NIN: variants seen among roughly 807,000 people sequenced by gnomAD.
NIN encodes glycogen synthase kinase 3 beta-interacting protein.
Under a neutral mutation model 257.6 loss-of-function variants are expected in NIN, and 137 were observed. The observed-to-expected ratio is 0.53, with a 90% CI of 0.46 to 0.61. NIN has a LOEUF of 0.61. Ranked by LOEUF, NIN falls within the 20% of genes least tolerant of loss-of-function variation. The pLI, the probability that NIN is intolerant of heterozygous loss-of-function variation, is 0.00. For synonymous variants in NIN, 918 were observed against 919.8 expected (o/e 1.00, Z 0.04); for missense variants, 2,439 against 2,501.2 (o/e 0.98, Z 0.53).
intron 18 of NIN, 103 bp downstream of exon 18, chr14:50,756,389 T>G: frequency 8.0e-7 from 1 of 1,247,254 alleles, no homozygotes; most frequent in Admixed American, 2.3e-5. Flanking sequence ...GCTCTCTTCG[T>G]GAAGACTACT....
chr14:50,746,745 G>A (rs1361015739), intron 22 of NIN, among the ~76,000 whole-genome samples: 1 of 152,152 alleles, frequency 6.6e-6, no homozygotes, highest in Non-Finnish European at 1.5e-5. Flanking sequence ...CTGAAAACAG[G>A]ACAATGTTTA....
At chr14:50,744,445 T>C in intron 22 of NIN, 80 bp from the exon 23 acceptor site, 2 of 1,443,690 alleles carry the variant, frequency 1.4e-6, no homozygotes, top group Non-Finnish European at 9.5e-7. Flanking sequence ...ATAGGGCATT[T>C]TCACAGCTGC....
At chr14:50,804,870 G>A (rs1316590496) in intron 4 of NIN, among the ~76,000 whole-genome samples, 46 of 152,220 alleles carry the variant, frequency 3.0e-4, no homozygotes, top group Admixed American at 2.6e-3. Context: ...GTGTTGGGCC[G>A]CATTCAAAAC....
chr14:50,747,836 A>C (rs1334044578), intron 22 of NIN, among the ~76,000 whole-genome samples, 156 bp downstream of exon 22: 1 of 152,150 alleles, frequency 6.6e-6, no homozygotes, highest in African/African-American at 2.4e-5. Context: ...TTTGCACTTT[A>C]GGTCCTCAAC....
intron 4 of NIN, 81 bp downstream of exon 4, chr14:50,806,656 T>A (rs1471077164): frequency 1.3e-6 from 1 of 746,152 alleles, no homozygotes; most frequent in East Asian, 2.6e-5. Context: ...CAATCCTTCA[T>A]ATACATGCTT....
intron 20 of NIN, among the ~76,000 whole-genome samples, chr14:50,754,225 G>A (rs2041924070): frequency 6.6e-6 from 1 of 152,188 alleles, no homozygotes; most frequent in African/African-American, 2.4e-5. Context: ...CAATCATGGT[G>A]AGGAAAAAGG....
chr14:50,727,966 G>A (rs917294762), intron 29 of NIN, among the ~76,000 whole-genome samples: 3 of 152,172 alleles, frequency 2.0e-5, no homozygotes, highest in African/African-American at 7.2e-5. Context: ...CTTAAAATTA[G>A]TGTCAGCTCA....
intron 28 of NIN, among the ~76,000 whole-genome samples, chr14:50,733,876 A>G (rs558966822): frequency 1.3e-5 from 2 of 152,314 alleles, no homozygotes; most frequent in Admixed American, 6.5e-5. Flanking sequence ...GACTTCACTA[A>G]AACTTTCATG....
intron 5 of NIN, among the ~76,000 whole-genome samples, chr14:50,782,697 G>A (rs1432751307): frequency 6.6e-6 from 1 of 152,188 alleles, no homozygotes; most frequent in African/African-American, 2.4e-5. Flanking sequence ...CTATTTATTT[G>A]CCCACTAAAT....
intron 17 of NIN, among the ~76,000 whole-genome samples, chr14:50,759,587 G>C (rs1052801846): frequency 2.0e-5 from 3 of 151,688 alleles, no homozygotes; most frequent in Non-Finnish European, 4.4e-5. Flanking sequence ...TCCGCCTCCC[G>C]GGTTCACGCC....
At chr14:50,821,720 G>A (rs1018265629) in intron 3 of NIN, among the ~76,000 whole-genome samples, 154 bp downstream of exon 3, 5 of 152,066 alleles carry the variant, frequency 3.3e-5, no homozygotes, top group African/African-American at 1.2e-4. Flanking sequence ...TAGCAAACTG[G>A]ACTGTGATGT....
At chr14:50,768,323 T>C (rs1182429641) in intron 12 of NIN, among the ~76,000 whole-genome samples, 1 of 152,216 alleles carries the variant, frequency 6.6e-6, no homozygotes, top group Non-Finnish European at 1.5e-5. Flanking sequence ...TCTTTCAAAG[T>C]ACACCTAAAT....
intron 29 of NIN, 44 bp from the exon 30 acceptor site, chr14:50,726,110 G>A (rs756265613): frequency 6.9e-7 from 1 of 1,444,504 alleles, no homozygotes; most frequent in Non-Finnish European, 9.6e-7. Flanking sequence ...ATGTCACACT[G>A]AAAACACTGG....
chr14:50,750,084 G>C (rs1175367270), intron 21 of NIN, among the ~76,000 whole-genome samples: 1 of 151,774 alleles, frequency 6.6e-6, no homozygotes, highest in Non-Finnish European at 1.5e-5. Context: ...TCCAGCTTTG[G>C]CCATCAGGAC....
chr14:50,827,775 A>G lies in NIN; in HGVS notation c.-22+2689T>C, dbSNP rs536130520. Among the ~76,000 whole-genome samples, 5 of 144,500 alleles carry G rather than the reference A, an allele frequency of 3.5e-5. No homozygotes were observed. In the East Asian group the frequency reaches 1.0e-3, roughly 29 times the overall value. The allele number at this position is 144,500 out of a possible 152,430, so 94.8% of individuals were successfully genotyped here. A position where few individuals can be genotyped will look rare whatever the true frequency, so the allele number is the denominator to read the frequency against. On this transcript the variant is annotated intron_variant, in intron 2 of 30. Coordinates refer to ENST00000530997, the MANE Select transcript of NIN (RefSeq NM_020921.4). ...CCGTATCAAAAAAAAAAAAAAAAAGAAAGAAAAAGAAAAATAACAACCTTT... is the reference window on the plus strand; with the variant it reads ...CCGTATCAAAAAAAAAAAAAAAAAGGAAGAAAAAGAAAAATAACAACCTTT...
At chr14:50,782,025 CA>C (rs1195744861) in intron 5 of NIN, among the ~76,000 whole-genome samples, 1 of 147,390 alleles carries the variant, frequency 6.8e-6, no homozygotes, top group Non-Finnish European at 1.5e-5. Context: ...AAACCAAAAA[CA>C]AAAAAACATG....
intron 4 of NIN, chr14:50,806,490 T>TATTGCCACACCATCTGACAC (rs2044331857): frequency 4.3e-6 from 1 of 233,508 alleles, no homozygotes; most frequent in Non-Finnish European, 6.7e-6. Context: ...AAGAATGAGT[T>TATTGCCACACCATCTGACAC]ATTGCCTAGA....
At chr14:50,818,452 A>T (rs1226173416) in intron 3 of NIN, among the ~76,000 whole-genome samples, 1 of 152,150 alleles carries the variant, frequency 6.6e-6, no homozygotes, top group African/African-American at 2.4e-5. Flanking sequence ...AGCATCTACA[A>T]TTAGTATGAT....
At chr14:50,801,370 C>T (rs1421856081) in intron 4 of NIN, among the ~76,000 whole-genome samples, 3 of 152,186 alleles carry the variant, frequency 2.0e-5, no homozygotes, top group South Asian at 4.1e-4. Context: ...GGATTATAGG[C>T]GTGAGCCACC....
Sources: allele counts gnomAD v4.1 joint callset (sites outside exome capture counted in the v4.1 genomes callset), GRCh38; gene constraint gnomAD v4.1.1; transcripts MANE v1.5; gene names NCBI Gene and HGNC (gene_info 2026-07-23, HGNC 2026-07-21).